Variants in GPC6 observed in about 807,000 individuals in gnomAD.
The protein encoded by GPC6 is glypican 6, also known as glypican-6.
Under a neutral mutation model 55.2 loss-of-function variants are expected in GPC6, and 14 were observed. That is an observed-to-expected ratio of 0.25 (90% confidence interval 0.17 to 0.40). GPC6 has a LOEUF of 0.40. GPC6 is among the 10% of genes least tolerant of loss of function. The pLI, the probability that GPC6 is intolerant of heterozygous loss-of-function variation, is 1.00. For missense variants in GPC6, 641 were observed against 708.5 expected (o/e 0.90, Z 1.08); for synonymous variants, 278 against 259.6 (o/e 1.07, Z -0.68).
At chr13:93,897,044 A>C (rs932532530) in intron 3 of GPC6, among the ~76,000 whole-genome samples, 1 of 148,738 alleles carries the variant, frequency 6.7e-6, no homozygotes, top group African/African-American at 2.5e-5. Context: ...AGTATTAGCT[A>C]TGTGTGTGTG....
intron 1 of GPC6, among the ~76,000 whole-genome samples, chr13:93,380,467 G>A (rs754716925): frequency 1.2e-4 from 18 of 152,178 alleles, no homozygotes; most frequent in Admixed American, 1.0e-3. Flanking sequence ...GTAAAGAGAA[G>A]CTTCCTCATT....
intron 3 of GPC6, among the ~76,000 whole-genome samples, chr13:93,996,489 C>T (rs907758996): frequency 3.3e-5 from 5 of 151,644 alleles, no homozygotes; most frequent in East Asian, 1.9e-4. Flanking sequence ...ATTGAGGCTT[C>T]GAGTCCTTAG....
intron 5 of GPC6, among the ~76,000 whole-genome samples, chr13:94,288,153 C>T (rs1176083880): frequency 1.3e-5 from 2 of 152,048 alleles, no homozygotes; most frequent in Non-Finnish European, 1.5e-5. Flanking sequence ...CTGAACAGAT[C>T]AGCAATTATA....
intron 2 of GPC6, among the ~76,000 whole-genome samples, chr13:93,560,160 A>G (rs991936155): frequency 6.6e-6 from 1 of 152,084 alleles, no homozygotes; most frequent in Admixed American, 6.6e-5. Flanking sequence ...TGAATGAAAC[A>G]TATTTTAAGG....
intron 5 of GPC6, among the ~76,000 whole-genome samples, chr13:94,300,309 C>G (rs1179868758): frequency 2.0e-5 from 3 of 152,164 alleles, no homozygotes; most frequent in African/African-American, 7.2e-5. Flanking sequence ...CTACATGTGC[C>G]TCCAAAAGAG....
At chr13:93,704,757 G>T (rs1016680907) in intron 2 of GPC6, among the ~76,000 whole-genome samples, 2 of 151,948 alleles carry the variant, frequency 1.3e-5, no homozygotes, top group African/African-American at 4.8e-5. Flanking sequence ...GAGCCGACTT[G>T]CAGAGAAACA....
chr13:93,682,206 C>T (rs1881868970), intron 2 of GPC6, among the ~76,000 whole-genome samples: 3 of 152,038 alleles, frequency 2.0e-5, no homozygotes, highest in Admixed American at 2.0e-4. Context: ...GCGTTTGCAG[C>T]CAATTTATGG....
intron 3 of GPC6, among the ~76,000 whole-genome samples, chr13:94,014,327 G>T (rs1882371483): frequency 1.3e-5 from 2 of 152,134 alleles, no homozygotes; most frequent in South Asian, 2.1e-4. Flanking sequence ...GCTAATTTTG[G>T]CATCATGTAA....
At chr13:93,847,101 C>T (rs773256828) in intron 3 of GPC6, among the ~76,000 whole-genome samples, 3 of 152,014 alleles carry the variant, frequency 2.0e-5, no homozygotes, top group Non-Finnish European at 4.4e-5. Context: ...AACATAGACA[C>T]TTTATTGAGG....
chr13:93,506,762 C>T (rs565365678), intron 1 of GPC6, among the ~76,000 whole-genome samples: 46 of 150,342 alleles, frequency 3.1e-4, no homozygotes, highest in African/African-American at 9.8e-4. Flanking sequence ...CGGAGTAGGC[C>T]GGGCGTGGTG....
At chr13:94,316,466 C>T in intron 6 of GPC6, among the ~76,000 whole-genome samples, 1 of 152,096 alleles carries the variant, frequency 6.6e-6, no homozygotes, top group African/African-American at 2.4e-5. Flanking sequence ...GCCTGTAATC[C>T]CAGCACTTTG....
chr13:93,898,800 C>T (rs1876166319), intron 3 of GPC6, among the ~76,000 whole-genome samples: 1 of 151,630 alleles, frequency 6.6e-6, no homozygotes, highest in Non-Finnish European at 1.5e-5. Flanking sequence ...CAGAGCACAG[C>T]TTAGGAAGGG....
chr13:93,696,050 T>C (rs1188710140), intron 2 of GPC6, among the ~76,000 whole-genome samples: 2 of 152,178 alleles, frequency 1.3e-5, no homozygotes, highest in African/African-American at 4.8e-5. Flanking sequence ...GAAAGACTTT[T>C]GACATTTTTC....
At chr13:93,429,970 T>G (rs1283615595) in intron 1 of GPC6, among the ~76,000 whole-genome samples, 1 of 152,246 alleles carries the variant, frequency 6.6e-6, no homozygotes, top group South Asian at 2.1e-4. Context: ...CCAGGGTTGC[T>G]TTTTCTTTCT....
At chr13:93,236,269 G>A (rs900716642) in intron 1 of GPC6, among the ~76,000 whole-genome samples, 2 of 152,122 alleles carry the variant, frequency 1.3e-5, no homozygotes, top group Non-Finnish European at 2.9e-5. Flanking sequence ...AGTACAAGTG[G>A]TTGTTGGTTA....
chr13:93,353,274 GATGC>G (rs1487340006), intron 1 of GPC6, among the ~76,000 whole-genome samples: 9 of 152,186 alleles, frequency 5.9e-5, no homozygotes, highest in Non-Finnish European at 1.0e-4. Context: ...TGTGGGATTA[GATGC>G]CTTCACCTGG....
At chr13:93,473,886 C>T (rs1879213754) in intron 1 of GPC6, among the ~76,000 whole-genome samples, 1 of 152,122 alleles carries the variant, frequency 6.6e-6, no homozygotes, top group Non-Finnish European at 1.5e-5. Flanking sequence ...TCCCACCTGG[C>T]TATGTGAAGG....
intron 1 of GPC6, among the ~76,000 whole-genome samples, chr13:93,331,100 TTG>T (rs1879827512): frequency 6.6e-6 from 1 of 152,114 alleles, no homozygotes; most frequent in African/African-American, 2.4e-5. Flanking sequence ...TTTTTTGGCT[TTG>T]TTTCAGTCTT....
At chr13:93,733,711 G>T (rs964866717) in intron 2 of GPC6, among the ~76,000 whole-genome samples, 1 of 152,016 alleles carries the variant, frequency 6.6e-6, no homozygotes, top group Non-Finnish European at 1.5e-5. Flanking sequence ...AGAAATATTT[G>T]TATGGAGAGC....
Sources: gnomAD v4.1 joint callset for allele counts (sites outside exome capture counted in the v4.1 genomes callset) on GRCh38, gnomAD v4.1.1 for gene constraint, MANE v1.5 for transcripts, NCBI Gene and HGNC (gene_info 2026-07-23, HGNC 2026-07-21) for gene names.